ASAP1: variants seen among roughly 807,000 people sequenced by gnomAD.
ASAP1 encodes the protein arf-GAP with SH3 domain, ANK repeat and PH domain-containing protein 1.
ASAP1 carries 43 observed loss-of-function variants against 145.2 expected under a neutral mutation model. The ratio of observed to expected loss-of-function variants is 0.30; its 90% confidence interval spans 0.23 to 0.38. ASAP1 has a LOEUF of 0.38. ASAP1 is among the 10% of genes least tolerant of loss of function. ASAP1 has a pLI of 1.00. For missense variants in ASAP1, 1,018 were observed against 1,355.3 expected (o/e 0.75, Z 3.91); for synonymous variants, 546 against 515.5 (o/e 1.06, Z -0.80).
At chr8:130,397,441 C>T (rs1315795778) in intron 2 of ASAP1, among the ~76,000 whole-genome samples, 3 of 152,116 alleles carry the variant, frequency 2.0e-5, no homozygotes, top group Non-Finnish European at 4.4e-5. Flanking sequence ...ATGCCCAGCC[C>T]GTATATTTAT....
intron 3 of ASAP1, among the ~76,000 whole-genome samples, chr8:130,281,258 T>G (rs1357638272): frequency 6.6e-6 from 1 of 152,312 alleles, no homozygotes; most frequent in East Asian, 1.9e-4. Context: ...AAATTAGTAT[T>G]AGAGATCCGT....
chr8:130,372,795 A>AT (rs1465674497), intron 2 of ASAP1, among the ~76,000 whole-genome samples: 3 of 152,202 alleles, frequency 2.0e-5, no homozygotes, highest in Non-Finnish European at 4.4e-5. Context: ...GAGAATTCAG[A>AT]TTGAAATGTA....
At chr8:130,189,834 T>A (rs563466203) in intron 5 of ASAP1, among the ~76,000 whole-genome samples, 1 of 152,362 alleles carries the variant, frequency 6.6e-6, no homozygotes, top group South Asian at 2.1e-4. Context: ...GTTTTTTTTA[T>A]AAAAGCCATT....
chr8:130,084,902 T>C (rs1270669155), intron 25 of ASAP1: 1 of 152,222 alleles, frequency 6.6e-6, no homozygotes, highest in African/African-American at 2.4e-5. Flanking sequence ...ATATAAGCAG[T>C]AAACCAATTT....
At chr8:130,342,567 G>A (rs1218370879) in intron 3 of ASAP1, among the ~76,000 whole-genome samples, 1 of 152,138 alleles carries the variant, frequency 6.6e-6, no homozygotes, top group Non-Finnish European at 1.5e-5. Context: ...TCCAAACACT[G>A]AGGAGGGCCT....
At position 130,116,847 on chromosome 8, in the gene ASAP1, C is replaced by T. The variant is rs771834401; in HGVS notation, c.1996+33G>A. 35 of 1,587,960 alleles carry T rather than the reference C, an allele frequency of 2.2e-5. 1 individual carries two copies. The highest frequency in any genetic ancestry group is 1.4e-4 in the South Asian group (13 of 90,414). On this transcript the variant is annotated intron_variant, in intron 21 of 29. Coordinates refer to ENST00000518721, the MANE Select transcript of ASAP1 (RefSeq NM_018482.4). ...CAATGTACCATGCAACACACGCTTA[C>T]TACAGTCATGAAGACACTAGACACA...
chr8:130,372,398 C>T (rs986983626), intron 2 of ASAP1, among the ~76,000 whole-genome samples: 3 of 152,206 alleles, frequency 2.0e-5, no homozygotes, highest in Non-Finnish European at 4.4e-5. Flanking sequence ...CAATAATGTT[C>T]CCTGCCAAAG....
intron 1 of ASAP1, among the ~76,000 whole-genome samples, chr8:130,439,480 A>G (rs186622512): frequency 1.3e-5 from 2 of 152,130 alleles, no homozygotes; most frequent in East Asian, 1.9e-4. Context: ...ACCCCCATCA[A>G]TAATAATAAT....
chr8:130,362,485 G>A (rs2138204893), intron 2 of ASAP1, among the ~76,000 whole-genome samples: 1 of 152,316 alleles, frequency 6.6e-6, no homozygotes, highest in Non-Finnish European at 1.5e-5. Context: ...AATAAAATGA[G>A]AAAATATGGA....
intron 2 of ASAP1, among the ~76,000 whole-genome samples, chr8:130,389,995 A>C (rs550892990): frequency 6.6e-6 from 1 of 152,364 alleles, no homozygotes; most frequent in Admixed American, 6.5e-5. Context: ...CTACGTCTGC[A>C]TCAGAATCAC....
At chr8:130,222,092 A>G (rs1817327257) in intron 4 of ASAP1, among the ~76,000 whole-genome samples, 1 of 152,226 alleles carries the variant, frequency 6.6e-6, no homozygotes, top group Non-Finnish European at 1.5e-5. Flanking sequence ...AACGCTGAAG[A>G]GTTTATATCC....
chr8:130,252,306 CAG>C (rs1157547664), intron 3 of ASAP1, among the ~76,000 whole-genome samples: 2 of 152,036 alleles, frequency 1.3e-5, no homozygotes, highest in Admixed American at 6.5e-5. Flanking sequence ...CTGTAAAGTG[CAG>C]AGAGGTACCT....
chr8:130,429,149 T>G (rs1474228406), intron 1 of ASAP1, among the ~76,000 whole-genome samples: 1 of 152,238 alleles, frequency 6.6e-6, no homozygotes, highest in African/African-American at 2.4e-5. Context: ...AGGACACCAG[T>G]CATTTTGGAT....
intron 25 of ASAP1, chr8:130,082,720 T>TG (rs1458636008): frequency 7.3e-6 from 1 of 137,344 alleles, no homozygotes; most frequent in Non-Finnish European, 1.5e-5. Context: ...ACTAATTTTT[T>TG]TTTTTTTTTT....
intron 3 of ASAP1, among the ~76,000 whole-genome samples, chr8:130,288,352 TA>T (rs879624716): frequency 0.014 from 2,006 of 143,320 alleles, 35 homozygotes; most frequent in African/African-American, 0.04. Context: ...GAGCTGATAT[TA>T]AAAAAAAAAA....
intron 24 of ASAP1, among the ~76,000 whole-genome samples, chr8:130,104,020 C>T (rs2097533030): frequency 6.6e-6 from 1 of 152,132 alleles, no homozygotes; most frequent in South Asian, 2.1e-4. Context: ...AATGGATATT[C>T]TCTACCATAC....
intron 2 of ASAP1, among the ~76,000 whole-genome samples, chr8:130,380,600 TA>T (rs1217983337): frequency 6.6e-6 from 1 of 152,094 alleles, no homozygotes; most frequent in Non-Finnish European, 1.5e-5. Context: ...CCCATGAAGG[TA>T]AAAGCAATGG....
chr8:130,093,000 C>T (rs765436830), intron 24 of ASAP1, among the ~76,000 whole-genome samples: 1 of 148,824 alleles, frequency 6.7e-6, no homozygotes. Context: ...GGACGTAAAG[C>T]ATTACCTAGA....
intron 13 of ASAP1, among the ~76,000 whole-genome samples, chr8:130,143,427 A>C (rs1203266919): frequency 8.2e-6 from 1 of 121,228 alleles, no homozygotes; most frequent in Non-Finnish European, 1.8e-5. Flanking sequence ...TTTTTTTTTG[A>C]CATATGTTGG....
Sources: allele counts gnomAD v4.1 joint callset (sites outside exome capture counted in the v4.1 genomes callset), GRCh38; gene constraint gnomAD v4.1.1; transcripts MANE v1.5; gene names NCBI Gene and HGNC (gene_info 2026-07-23, HGNC 2026-07-21).